Variants in CLNK observed in about 807,000 individuals in gnomAD.
The protein encoded by CLNK is cytokine dependent hematopoietic cell linker, also known as cytokine-dependent hematopoietic cell linker.
CLNK carries 74 observed loss-of-function variants against 68.6 expected under a neutral mutation model. That is an observed-to-expected ratio of 1.08 (90% CI 0.89 to 1.31). The LOEUF is 1.31. CLNK is among the 50% of genes most tolerant of loss of function. The pLI is 0.00. For missense variants in CLNK, 553 were observed against 515.3 expected (o/e 1.07, Z -0.71); for synonymous variants, 198 against 172.2 (o/e 1.15, Z -1.17).
rs972971992 is a variant in CLNK at position 10,614,191 on chromosome 4, C to G, written c.12-16142G>C. On this transcript the variant is annotated intron_variant, in intron 2 of 18. Coordinates refer to ENST00000226951, the MANE Select transcript of CLNK (RefSeq NM_052964.4). ...CCTGGCAGATGTCTGGGTGAGATGT[C>G]TGCATGGAGCCTGCTGGTAGGAAAT... is the stretch of plus-strand genomic sequence containing the variant. Among the ~76,000 whole-genome samples the G allele has an allele frequency of 3.3e-5, 5 of 152,220 alleles. No homozygotes were observed. The East Asian group carries it at 9.6e-4, about 29-fold the overall frequency.
chr4:10,707,497 A>T, the CLNK span, among the ~76,000 whole-genome samples: 243 of 152,326 alleles, frequency 1.6e-3, no homozygotes, highest in African/African-American at 5.7e-3. Flanking sequence ...TCCACCTACC[A>T]CTTGTGGGTA....
chr4:10,610,181 C>T (rs1283576106), intron 2 of CLNK, among the ~76,000 whole-genome samples: 4 of 149,640 alleles, frequency 2.7e-5, no homozygotes, highest in African/African-American at 4.9e-5. Context: ...CTCAGCCTCC[C>T]GAGTAGCTGG....
At chr4:10,604,597 T>TA (rs1254359307) in intron 2 of CLNK, among the ~76,000 whole-genome samples, 2 of 151,754 alleles carry the variant, frequency 1.3e-5, no homozygotes, top group Non-Finnish European at 2.9e-5. Context: ...TTTTTTTTTT[T>TA]AAGTTTAAAT....
chr4:10,557,549 G>T (rs1719725990), intron 8 of CLNK, among the ~76,000 whole-genome samples: 2 of 152,270 alleles, frequency 1.3e-5, no homozygotes, highest in East Asian at 1.9e-4. Context: ...TGCATCTAGG[G>T]GTAGGGCCAG....
At chr4:10,631,417 C>T (rs919040345) in intron 2 of CLNK, among the ~76,000 whole-genome samples, 5 of 152,198 alleles carry the variant, frequency 3.3e-5, no homozygotes, top group African/African-American at 1.2e-4. Context: ...CCCAGATGCT[C>T]AGACCAAGAA....
Position 10,520,927 on chromosome 4 carries a change from T to C in CLNK, c.732-96A>G, listed in dbSNP as rs181877820. On this transcript the variant is annotated intron_variant, in intron 14 of 18. Coordinates refer to ENST00000226951, the MANE Select transcript of CLNK (RefSeq NM_052964.4). ...CAAGGTCAATGATAATAGCCTGAAG[T>C]CACAGTTATAAAGCACTTTATATTT... 8.0e-5 allele frequency: 70 copies of C among 877,054 alleles called. No individual in the cohort carries two copies. The African/African-American group carries it at 1.0e-3, about 13-fold the overall frequency. 54.3% of individuals were successfully genotyped at this position (877,054 alleles called of 1,614,324 possible). A position where few individuals can be genotyped will look rare whatever the true frequency, so the allele number is the denominator to read the frequency against.
chr4:10,523,946 G>A, intron 14 of CLNK: 1 of 394,344 alleles, frequency 2.5e-6, no homozygotes. Flanking sequence ...GATCACTTGA[G>A]CCCGGGAGGT....
chr4:10,559,193 C>G (rs1719793955), intron 7 of CLNK, among the ~76,000 whole-genome samples: 1 of 152,056 alleles, frequency 6.6e-6, no homozygotes, highest in Non-Finnish European at 1.5e-5. Context: ...AACCTTTAAG[C>G]CTAGGTTAAT....
the CLNK span, among the ~76,000 whole-genome samples, chr4:10,690,362 T>G: frequency 2.4e-4 from 37 of 152,324 alleles, no homozygotes; most frequent in East Asian, 6.0e-3. Context: ...TAACACGGTT[T>G]CTGACTTTGT....
chr4:10,721,678 T>A, the CLNK span, among the ~76,000 whole-genome samples: 1 of 152,224 alleles, frequency 6.6e-6, no homozygotes, highest in Non-Finnish European at 1.5e-5. Context: ...GTTTGCTTTA[T>A]CTTTCATTTA....
chr4:10,621,250 G>C (rs1722445458), intron 2 of CLNK, among the ~76,000 whole-genome samples: 1 of 152,182 alleles, frequency 6.6e-6, no homozygotes, highest in South Asian at 2.1e-4. Flanking sequence ...TGTCTTCCTG[G>C]AGAGGGCAGA....
intron 2 of CLNK, among the ~76,000 whole-genome samples, chr4:10,619,770 T>C (rs1359199966): frequency 6.6e-6 from 1 of 152,192 alleles, no homozygotes; most frequent in Non-Finnish European, 1.5e-5. Flanking sequence ...GGCTCTCAAG[T>C]AGTCTTTCCA....
chr4:10,532,723 G>A (rs758647230), intron 11 of CLNK, among the ~76,000 whole-genome samples: 19 of 152,140 alleles, frequency 1.2e-4, no homozygotes, highest in Non-Finnish European at 2.4e-4. Context: ...GCAAGTGTAA[G>A]AGAGAATGCT....
At chr4:10,550,515 A>T (rs2108813813) in intron 8 of CLNK, among the ~76,000 whole-genome samples, 1 of 152,154 alleles carries the variant, frequency 6.6e-6, no homozygotes, top group African/African-American at 2.4e-5. Context: ...AATAAATAAA[A>T]AATTACATAA....
At chr4:10,653,024 G>C (rs187353335) in intron 2 of CLNK, among the ~76,000 whole-genome samples, 1 of 152,306 alleles carries the variant, frequency 6.6e-6, no homozygotes, top group African/African-American at 2.4e-5. Context: ...AAAAGGATGA[G>C]TTCATATCCT....
intron 1 of CLNK, among the ~76,000 whole-genome samples, chr4:10,677,771 C>T (rs911916394): frequency 3.9e-5 from 6 of 151,918 alleles, no homozygotes; most frequent in East Asian, 1.9e-4. Context: ...AACCTCTTTC[C>T]GTTATAAACT....
At chr4:10,560,154 C>A (rs61795097) in intron 7 of CLNK, among the ~76,000 whole-genome samples, 1 of 152,278 alleles carries the variant, frequency 6.6e-6, no homozygotes, top group South Asian at 2.1e-4. Flanking sequence ...GGTCTGCGTG[C>A]GTTTGCACAC....
chr4:10,629,539 C>T (rs1340444462), intron 2 of CLNK, among the ~76,000 whole-genome samples: 1 of 152,138 alleles, frequency 6.6e-6, no homozygotes, highest in East Asian at 1.9e-4. Flanking sequence ...AGTGCTAACA[C>T]CCACCAGGCA....
chr4:10,669,361 C>A (rs1724537233), intron 1 of CLNK, among the ~76,000 whole-genome samples: 1 of 152,158 alleles, frequency 6.6e-6, no homozygotes, highest in South Asian at 2.1e-4. Flanking sequence ...TCTTGGAGAG[C>A]CAGCCAGGGT....
Sources: allele counts gnomAD v4.1 joint callset (sites outside exome capture counted in the v4.1 genomes callset), GRCh38; gene constraint gnomAD v4.1.1; transcripts MANE v1.5; gene names NCBI Gene and HGNC (gene_info 2026-07-23, HGNC 2026-07-21).